The following C10orf67 variants were observed in gnomAD, a reference collection of about 807,000 sequenced individuals.
C10orf67 encodes uncharacterized protein C10orf67, mitochondrial.
C10orf67 carries 60 observed loss-of-function variants against 35.6 expected under a neutral mutation model. That is an observed-to-expected ratio of 1.68 (90% CI 1.37 to 2.09). The LOEUF is 2.09. C10orf67 is among the 30% of genes most tolerant of loss of function. The probability of loss-of-function intolerance (pLI) is 0.00; values close to 1 mark genes in which losing one functional copy is unlikely to be tolerated. For missense variants in C10orf67, 474 were observed against 330.2 expected (o/e 1.44, Z -3.38); for synonymous variants, 167 against 115.8 (o/e 1.44, Z -2.84).
intron 7 of C10orf67, among the ~76,000 whole-genome samples, chr10:23,287,208 C>A (rs915656710): frequency 6.6e-6 from 1 of 152,156 alleles, no homozygotes; most frequent in African/African-American, 2.4e-5. Context: ...AGGCATCACA[C>A]TACCTAACTT....
chr10:23,232,105 T>C (rs1008846250), intron 13 of C10orf67, among the ~76,000 whole-genome samples: 1 of 152,208 alleles, frequency 6.6e-6, no homozygotes, highest in African/African-American at 2.4e-5. Flanking sequence ...AATCTAGCTA[T>C]GGCCTTGCTC....
chr10:23,228,780 G>A (rs1054809577), intron 13 of C10orf67, among the ~76,000 whole-genome samples: 4 of 152,190 alleles, frequency 2.6e-5, no homozygotes, highest in African/African-American at 9.6e-5. Context: ...TGAAGGATAT[G>A]AACAGACACT....
intron 2 of C10orf67, among the ~76,000 whole-genome samples, chr10:23,328,471 T>C (rs762728091): frequency 1.3e-5 from 2 of 152,150 alleles, no homozygotes. Flanking sequence ...ATCTTGCTAC[T>C]GGATCAGAAC....
At chr10:23,214,805 T>A (rs1811281149) in intron 15 of C10orf67, among the ~76,000 whole-genome samples, 1 of 152,156 alleles carries the variant, frequency 6.6e-6, no homozygotes. Flanking sequence ...GGCAGATCAC[T>A]TGATGTCAGG....
At chr10:23,271,199 G>A (rs1243661592) in intron 8 of C10orf67, among the ~76,000 whole-genome samples, 1 of 152,136 alleles carries the variant, frequency 6.6e-6, no homozygotes, top group South Asian at 2.1e-4. Context: ...ATGGTAAAAG[G>A]TTCAATTCAA....
intron 1 of C10orf67, among the ~76,000 whole-genome samples, chr10:23,334,685 A>G (rs1845606647): frequency 6.6e-6 from 1 of 152,252 alleles, no homozygotes; most frequent in African/African-American, 2.4e-5. Context: ...GGACGGGTGT[A>G]GAACCCAGGT....
At chr10:23,227,748 TA>T (rs1188089346) in intron 13 of C10orf67, among the ~76,000 whole-genome samples, 11 of 152,158 alleles carry the variant, frequency 7.2e-5, no homozygotes, top group African/African-American at 2.4e-4. Context: ...CGTCTCAGGA[TA>T]CAAAATCAAT....
chr10:23,270,973 A>T (rs1843002266), intron 8 of C10orf67, among the ~76,000 whole-genome samples: 1 of 152,166 alleles, frequency 6.6e-6, no homozygotes, highest in African/African-American at 2.4e-5. Context: ...AAGACATAAA[A>T]TGGCAAGTTG....
At chr10:23,336,217 G>T (rs1360488848) in intron 1 of C10orf67, among the ~76,000 whole-genome samples, 1 of 152,154 alleles carries the variant, frequency 6.6e-6, no homozygotes, top group Non-Finnish European at 1.5e-5. Flanking sequence ...TTCTAGGAAA[G>T]ATATTTACAA....
chr10:23,269,640 A>G (rs1444418383), intron 8 of C10orf67, among the ~76,000 whole-genome samples: 2 of 152,174 alleles, frequency 1.3e-5, no homozygotes, highest in Non-Finnish European at 2.9e-5. Flanking sequence ...TTTACTGTCT[A>G]CAAGAGAAGC....
intron 12 of C10orf67, among the ~76,000 whole-genome samples, chr10:23,242,926 CAATT>C (rs970392888): frequency 5.3e-5 from 8 of 151,772 alleles, no homozygotes; most frequent in African/African-American, 1.9e-4. Context: ...TAAAGTATGA[CAATT>C]AAATAAAATA....
intron 15 of C10orf67, among the ~76,000 whole-genome samples, chr10:23,218,953 C>T (rs922905139): frequency 2.6e-5 from 4 of 152,166 alleles, no homozygotes; most frequent in African/African-American, 9.7e-5. Context: ...TATCTCTTAA[C>T]TAACTTACAA....
intron 15 of C10orf67, among the ~76,000 whole-genome samples, chr10:23,217,258 C>T (rs574662238): frequency 1.3e-5 from 2 of 152,250 alleles, no homozygotes; most frequent in Non-Finnish European, 2.9e-5. Context: ...TTCATAAATA[C>T]TACTTTTCTG....
At chr10:23,292,317 ATACTTTAT>A (rs1016346206) in intron 5 of C10orf67, among the ~76,000 whole-genome samples, 7 of 151,888 alleles carry the variant, frequency 4.6e-5, no homozygotes, top group African/African-American at 1.7e-4. Flanking sequence ...GCAGAACTTT[ATACTTTAT>A]TGTGGTATGA....
chr10:23,340,414 G>A (rs1845841806), intron 1 of C10orf67, among the ~76,000 whole-genome samples: 1 of 151,964 alleles, frequency 6.6e-6, no homozygotes, highest in Admixed American at 6.6e-5. Context: ...CACCTAGTCA[G>A]GAGGCTGAAG....
intron 13 of C10orf67, among the ~76,000 whole-genome samples, chr10:23,229,352 A>G (rs1353705110): frequency 1.4e-5 from 2 of 147,222 alleles, no homozygotes; most frequent in Non-Finnish European, 3.0e-5. Context: ...CAAACACCGC[A>G]TGTTCTCACT....
intron 15 of C10orf67, among the ~76,000 whole-genome samples, chr10:23,221,710 G>C (rs1349705593): frequency 1.3e-5 from 2 of 152,172 alleles, no homozygotes; most frequent in African/African-American, 4.8e-5. Flanking sequence ...CAAAGATCGT[G>C]CTTTCTAAAG....
intron 4 of C10orf67, chr10:23,318,100 T>TAAAAAAAAAAAAAAAAAAAAAAAAAACCA (rs779655068): frequency 2.7e-5 from 1 of 37,056 alleles, no homozygotes; most frequent in Non-Finnish European, 5.1e-5. Flanking sequence ...TCCCTGTCTC[T>TAAAAAAAAAAAAAAAAAAAAAAAAAACCA]AAAAAAAAAA....
intron 10 of C10orf67, among the ~76,000 whole-genome samples, chr10:23,251,975 T>G (rs1450927839): frequency 6.6e-6 from 1 of 152,190 alleles, no homozygotes; most frequent in Non-Finnish European, 1.5e-5. Flanking sequence ...ACATATAATT[T>G]GCAATTGGAC....
Sources: gnomAD v4.1 joint callset for allele counts (sites outside exome capture counted in the v4.1 genomes callset) on GRCh38, gnomAD v4.1.1 for gene constraint, MANE v1.5 for transcripts, NCBI Gene and HGNC (gene_info 2026-07-23, HGNC 2026-07-21) for gene names.